Variants in KCNN2 observed in about 807,000 individuals in gnomAD.
The protein encoded by KCNN2 is small conductance calcium-activated potassium channel protein 2.
A neutral mutation model predicts 55.5 loss-of-function variants in KCNN2; 24 were observed. That is an observed-to-expected ratio of 0.43 (90% confidence interval 0.31 to 0.61). KCNN2 has a LOEUF of 0.61. Ranked by LOEUF, KCNN2 falls within the 20% of genes least tolerant of loss-of-function variation. KCNN2 has a pLI of 0.08. For missense variants in KCNN2, 754 were observed against 853.6 expected (o/e 0.88, Z 1.45); for synonymous variants, 431 against 336.1 (o/e 1.28, Z -3.09).
intron 1 of KCNN2, among the ~76,000 whole-genome samples, chr5:114,159,967 T>C (rs190184755): frequency 3.4e-4 from 52 of 152,284 alleles, no homozygotes; most frequent in African/African-American, 1.2e-3. Flanking sequence ...CCTGGATTCA[T>C]TGATTTTTTG....
intron 1 of KCNN2, among the ~76,000 whole-genome samples, chr5:114,124,825 A>G (rs186589416): frequency 2.7e-4 from 41 of 152,308 alleles, no homozygotes; most frequent in Non-Finnish European, 5.6e-4. Flanking sequence ...TAAAATTGGT[A>G]TACACCTCCA....
chr5:114,435,726 AT>A (rs1308430047), intron 3 of KCNN2, among the ~76,000 whole-genome samples: 1 of 152,162 alleles, frequency 6.6e-6, no homozygotes, highest in African/African-American at 2.4e-5. Flanking sequence ...TCATTTAAGC[AT>A]TCTACATCAT....
chr5:114,249,870 A>C (rs1176963496), intron 2 of KCNN2, among the ~76,000 whole-genome samples: 1 of 152,180 alleles, frequency 6.6e-6, no homozygotes, highest in Non-Finnish European at 1.5e-5. Context: ...GCAGGTAAGG[A>C]TAAATATGCT....
chr5:114,479,312 A>G (rs778725652), intron 5 of KCNN2, among the ~76,000 whole-genome samples: 1 of 152,182 alleles, frequency 6.6e-6, no homozygotes, highest in African/African-American at 2.4e-5. Context: ...TTAAAAAAAG[A>G]TGAAGAGCAT....
At chr5:114,404,023 C>T (rs1051340366) in intron 2 of KCNN2, among the ~76,000 whole-genome samples, 1 of 152,122 alleles carries the variant, frequency 6.6e-6, no homozygotes, top group Non-Finnish European at 1.5e-5. Context: ...TGCAGAGGCA[C>T]CCTAAATAGA....
intron 2 of KCNN2, among the ~76,000 whole-genome samples, chr5:114,386,877 A>C (rs557950649): frequency 8.5e-5 from 13 of 152,302 alleles, no homozygotes; most frequent in African/African-American, 3.1e-4. Context: ...TTTTTGATGG[A>C]GAACGCTCCT....
At chr5:114,429,765 A>G (rs889030067) in intron 3 of KCNN2, among the ~76,000 whole-genome samples, 1 of 147,280 alleles carries the variant, frequency 6.8e-6, no homozygotes, top group Non-Finnish European at 1.5e-5. Flanking sequence ...TCCATTTTGA[A>G]GGTTTTGGGG....
chr5:114,086,689 G>A (rs1048295075), intron 1 of KCNN2, among the ~76,000 whole-genome samples: 4 of 151,974 alleles, frequency 2.6e-5, no homozygotes, highest in Non-Finnish European at 4.4e-5. Flanking sequence ...CCACTGATGG[G>A]CCCCTAGGTT....
At chr5:114,143,092 C>T (rs1241198201) in intron 1 of KCNN2, among the ~76,000 whole-genome samples, 1 of 152,004 alleles carries the variant, frequency 6.6e-6, no homozygotes, top group African/African-American at 2.4e-5. Context: ...CTTCTGGTCC[C>T]AAGATGCTGC....
rs184427253 is a variant in KCNN2, at chr5:114,255,828, T to A, written c.-185+34263T>A. 1.2e-3 allele frequency among the ~76,000 whole-genome samples: 181 copies of A among 152,292 alleles called. 1 individual carries two copies. Among genetic ancestry groups the A allele is most frequent in the African/African-American group, 4.2e-3 (174 of 41,562 alleles). Reference sequence around the variant, plus strand: ...GGTCTTAAGGTGGCCACTTCCTCTGTGATTCAACAGTTGTTCAAAGTTTTT... The same window carrying A: ...GGTCTTAAGGTGGCCACTTCCTCTGAGATTCAACAGTTGTTCAAAGTTTTT... On this transcript the variant is annotated intron_variant, in intron 2 of 10. Transcript: ENST00000512097.
At chr5:114,073,473 G>A (rs985071658) in intron 1 of KCNN2, among the ~76,000 whole-genome samples, 7 of 151,986 alleles carry the variant, frequency 4.6e-5, no homozygotes, top group African/African-American at 1.5e-4. Context: ...ATAGCTTATT[G>A]TTGTAATAAT....
intron 4 of KCNN2, among the ~76,000 whole-genome samples, chr5:114,472,793 G>T (rs1761811641): frequency 6.6e-6 from 1 of 152,040 alleles, no homozygotes; most frequent in South Asian, 2.1e-4. Flanking sequence ...TCACCAAGTT[G>T]CTTTTAGGCC....
intron 2 of KCNN2, among the ~76,000 whole-genome samples, chr5:114,320,336 G>A (rs1051023805): frequency 1.3e-5 from 2 of 151,996 alleles, no homozygotes; most frequent in South Asian, 2.1e-4. Context: ...CATCCAGGCC[G>A]GGTGCTGTGC....
At chr5:114,301,403 A>G (rs977779576) in intron 2 of KCNN2, among the ~76,000 whole-genome samples, 1 of 152,168 alleles carries the variant, frequency 6.6e-6, no homozygotes, top group African/African-American at 2.4e-5. Flanking sequence ...CATTTCTGTC[A>G]TCGCATGCCT....
chr5:114,237,417 A>G (rs115620179), intron 2 of KCNN2, among the ~76,000 whole-genome samples: 4,517 of 152,118 alleles, frequency 0.03, 222 homozygotes, highest in African/African-American at 0.1. Context: ...GAGGGAGCTG[A>G]CCTAGATTAG....
intron 6 of KCNN2, 90 bp from the exon 7 acceptor site, chr5:114,493,313 G>T (rs1747951459): frequency 2.4e-6 from 2 of 830,708 alleles, no homozygotes; most frequent in Non-Finnish European, 4.3e-6. Flanking sequence ...GCAGTTATTT[G>T]CTCTTGTCAA....
At chr5:114,172,603 T>TA (rs1753060793) in intron 1 of KCNN2, among the ~76,000 whole-genome samples, 1 of 148,174 alleles carries the variant, frequency 6.7e-6, no homozygotes, top group Non-Finnish European at 1.5e-5. Flanking sequence ...GTTATATATA[T>TA]ATTATAGTTT....
chr5:114,062,362 C>T (rs1750350943), intron 1 of KCNN2, among the ~76,000 whole-genome samples: 1 of 152,152 alleles, frequency 6.6e-6, no homozygotes, highest in African/African-American at 2.4e-5. Context: ...TTCAGAAGTA[C>T]TGAAAGAGCA....
chr5:114,249,595 A>G (rs1754818778), intron 2 of KCNN2, among the ~76,000 whole-genome samples: 1 of 152,004 alleles, frequency 6.6e-6, no homozygotes, highest in African/African-American at 2.4e-5. Flanking sequence ...CCCTCAGTAC[A>G]TTTCTAAAAA....
Sources: allele counts gnomAD v4.1 joint callset (sites outside exome capture counted in the v4.1 genomes callset), GRCh38; gene constraint gnomAD v4.1.1; transcripts MANE v1.5; gene names NCBI Gene and HGNC (gene_info 2026-07-23, HGNC 2026-07-21).